SLTM: variants seen among roughly 807,000 people sequenced by gnomAD.
SLTM encodes the protein SAFB-like transcription modulator.
Under a neutral mutation model 134.6 loss-of-function variants are expected in SLTM, and 43 were observed. That is an observed-to-expected ratio of 0.32 (90% CI 0.25 to 0.41). The LOEUF is 0.41. Ranked by LOEUF, SLTM falls within the 10% of genes least tolerant of loss-of-function variation. The pLI is 1.00. For synonymous variants in SLTM, 424 were observed against 432.3 expected, an observed-to-expected ratio of 0.98 and a Z score of 0.24; for missense variants, 1,055 against 1,288.8, an observed-to-expected ratio of 0.82 and a Z score of 2.78.
In SLTM at chr15:58,887,145, C is replaced by T. The variant is rs117519179; in HGVS notation, c.2691-26G>A. The T allele has an allele frequency of 3.2e-3, 5,115 of 1,613,702 alleles. 38 individuals are homozygous for T. Among genetic ancestry groups the T allele is most frequent in the South Asian group, 0.017 (1,576 of 91,058 alleles). On this transcript the variant is annotated intron_variant, in intron 18 of 20. Coordinates refer to ENST00000380516, the MANE Select transcript of SLTM (RefSeq NM_024755.4). ...CTGTTAAACAAAACATAAAAACATACATGATCAAAACTGTAATCTTAACTT... is the reference window on the plus strand; with the variant it reads ...CTGTTAAACAAAACATAAAAACATATATGATCAAAACTGTAATCTTAACTT...
chr15:58,883,915 T>G (rs770720228), intron 19 of SLTM, 129 bp from the exon 20 acceptor site: 15 of 924,426 alleles, frequency 1.6e-5, no homozygotes, highest in Non-Finnish European at 2.4e-5. Flanking sequence ...CTGGCTAACA[T>G]GGTGCAACCC....
chr15:58,883,251 G>A (rs1444457998), intron 20 of SLTM, among the ~76,000 whole-genome samples: 2 of 152,182 alleles, frequency 1.3e-5, no homozygotes, highest in Non-Finnish European at 2.9e-5. Flanking sequence ...GGAGGCGGAG[G>A]TTGCAGTGAG....
chr15:58,894,877 G>T (rs1160223505), intron 9 of SLTM, among the ~76,000 whole-genome samples: 1 of 151,842 alleles, frequency 6.6e-6, no homozygotes, highest in Non-Finnish European at 1.5e-5. Context: ...GCTAAGTTTT[G>T]TATTTTTAGT....
intron 20 of SLTM, among the ~76,000 whole-genome samples, chr15:58,880,685 C>G (rs999109330): frequency 3.9e-5 from 6 of 152,188 alleles, no homozygotes; most frequent in Admixed American, 1.3e-4. Flanking sequence ...TTCAGCCAGC[C>G]ACCAGAGTAG....
rs572432989 is a variant in SLTM, at chr15:58,927,516, C to G, written c.250+4840G>C. Among the ~76,000 whole-genome samples the G allele has an allele frequency of 1.7e-4, 26 of 152,294 alleles. No homozygotes were observed. The South Asian group carries it at 5.4e-3, about 32-fold the overall frequency. ...AAACTCCTGACATCAGGTGATCCGC[C>G]CACCTCAGCTTCCCAAAGTACTGGG... is the stretch of plus-strand genomic sequence containing the variant. On this transcript the variant is annotated intron_variant, in intron 2 of 20. Transcript: ENST00000380516.
chr15:58,933,677 A>G lies in SLTM; in HGVS notation c.-112T>C. The G allele has an allele frequency of 7.6e-7, 1 of 1,312,886 alleles. No individual in the cohort carries two copies. The highest frequency in any genetic ancestry group is 9.7e-7 in the Non-Finnish European group (1 of 1,032,704). The allele number at this position is 1,312,886 out of a possible 1,614,324, so 81.3% of individuals were successfully genotyped here. On this transcript the variant is annotated 5_prime_UTR_variant, in exon 1 of 21. Transcript: ENST00000380516. ...GCCGGCGCCGCGCAGCGCTGCGCAC[A>G]ATGAGCCGCTGGCCCCTCCCCCGGT...
At chr15:58,886,113 AACATTAC>A (rs1308411688) in intron 19 of SLTM, among the ~76,000 whole-genome samples, 12 of 152,194 alleles carry the variant, frequency 7.9e-5, no homozygotes, top group African/African-American at 2.9e-4. Flanking sequence ...AAAAATATGT[AACATTAC>A]ACTCATCTAC....
rs375305679 is a variant in SLTM, at chr15:58,899,208, GAAAA to G, written c.1058+257_1058+260del. ...TAAAACACAAAAAAATTGTCAATTTGAAAAAAAAAAACAAAAAACAAAAAACAAC... is the reference window on the plus strand; with the variant it reads ...TAAAACACAAAAAAATTGTCAATTTGAAAAAAACAAAAAACAAAAAACAAC... On this transcript the variant is annotated intron_variant, in intron 7 of 20. Coordinates refer to ENST00000380516, the MANE Select transcript of SLTM (RefSeq NM_024755.4). The surrounding 1 kb of genome is among the most constrained non-coding windows in gnomAD (Gnocchi z 5.0). 3.7e-5 allele frequency: 13 copies of G among 350,298 alleles called. No individual in the cohort carries two copies. The East Asian group carries it at 5.4e-4, about 15-fold the overall frequency. 21.7% of individuals were successfully genotyped at this position (350,298 alleles called of 1,614,324 possible).
intron 5 of SLTM, among the ~76,000 whole-genome samples, chr15:58,910,798 G>A (rs1047870447): frequency 1.4e-5 from 2 of 144,554 alleles, no homozygotes; most frequent in Admixed American, 7.0e-5. Context: ...AGGCTGGAGT[G>A]TAGTGGCACA....
At position 58,933,408 on chromosome 15, in the gene SLTM, T is replaced by C. The variant is rs2038042371; in HGVS notation, c.158A>G (p.Lys53Arg). The stretch of plus-strand genomic sequence containing the variant: ...CCGGTCCTCGCCGGGCCTCACCTGC[T>C]TGAGTCGGGAGATGAGCACGGTCTT... ...GVKTVLISRL[K>R]QAIEEEGGDP... is the part of the protein sequence containing the mutation. The change falls in exon 1 of 21, where the codon AAG (lysine) becomes AGG (arginine). Residue 53 changes from lysine to arginine, a missense_variant. Coordinates refer to ENST00000380516, the MANE Select transcript of SLTM (RefSeq NM_024755.4). The C allele has an allele frequency of 3.8e-6, 6 of 1,578,418 alleles. No individual in the cohort carries two copies. The highest frequency in any genetic ancestry group is 5.2e-6 in the Non-Finnish European group (6 of 1,162,666).
chr15:58,895,317 T>G (rs1413156404), intron 9 of SLTM, among the ~76,000 whole-genome samples: 1 of 152,160 alleles, frequency 6.6e-6, no homozygotes, highest in African/African-American at 2.4e-5. Flanking sequence ...AAAGCGGACT[T>G]AAAAATGCAT....
intron 5 of SLTM, among the ~76,000 whole-genome samples, chr15:58,905,137 C>T (rs748613140): frequency 1.3e-5 from 2 of 152,166 alleles, no homozygotes; most frequent in African/African-American, 4.8e-5. Flanking sequence ...AGCCATTGCA[C>T]CCAGCCTGTA....
intron 1 of SLTM, among the ~76,000 whole-genome samples, 197 bp downstream of exon 1, chr15:58,933,207 G>A (rs920238048): frequency 6.6e-6 from 1 of 151,628 alleles, no homozygotes; most frequent in African/African-American, 2.4e-5. Flanking sequence ...GGCCCGGCCC[G>A]GCCCGGGGCG....
At chr15:58,926,403 C>A (rs2037471639) in intron 2 of SLTM, among the ~76,000 whole-genome samples, 1 of 152,092 alleles carries the variant, frequency 6.6e-6, no homozygotes, top group South Asian at 2.1e-4. Context: ...GCACATACAC[C>A]TACACAACTT....
At chr15:58,880,393 C>T (rs767494699) in intron 20 of SLTM, among the ~76,000 whole-genome samples, 2 of 152,096 alleles carry the variant, frequency 1.3e-5, no homozygotes, top group East Asian at 1.9e-4. Context: ...TGGATCTGCA[C>T]GTGGACTACA....
At chr15:58,932,537 C>A in intron 1 of SLTM, 94 bp from the exon 2 acceptor site, 1 of 840,780 alleles carries the variant, frequency 1.2e-6, no homozygotes, top group South Asian at 1.6e-5. Flanking sequence ...CCTCAAGCCT[C>A]AAGACATTAG....
intron 14 of SLTM, 106 bp downstream of exon 14, chr15:58,892,791 G>T (rs2034768859): frequency 2.6e-6 from 3 of 1,173,934 alleles, no homozygotes; most frequent in Non-Finnish European, 2.5e-6. Flanking sequence ...CTTTAAGGTG[G>T]CAAACAGTTT....
chr15:58,908,963 A>G (rs1445316866), intron 5 of SLTM, among the ~76,000 whole-genome samples: 2 of 152,200 alleles, frequency 1.3e-5, no homozygotes, highest in Non-Finnish European at 2.9e-5. Context: ...ATTTTATCTT[A>G]AAAGTAAAAA....
Position 58,909,179 on chromosome 15 carries a change from GAATC to G in SLTM, c.561+3380_561+3383del, listed in dbSNP as rs536677623. On this transcript the variant is annotated intron_variant, in intron 5 of 20. Transcript: ENST00000380516. ...ACATCTTTACATACCAGCAAGCAAG[GAATC>G]AATCAAAGTCTACTAGGATCATGTT... Among the ~76,000 whole-genome samples the G allele has an allele frequency of 1.3e-3, 194 of 152,222 alleles. 1 individual carries two copies. Among genetic ancestry groups the G allele is most frequent in the African/African-American group, 4.5e-3 (186 of 41,522 alleles).
Sources: allele counts gnomAD v4.1 joint callset (sites outside exome capture counted in the v4.1 genomes callset), GRCh38; gene constraint gnomAD v4.1.1; non-coding constraint Gnocchi (gnomAD v3.1); transcripts MANE v1.5; gene names NCBI Gene and HGNC (gene_info 2026-07-23, HGNC 2026-07-21).